The following ADCY8 variants were observed in gnomAD, a reference collection of about 807,000 sequenced individuals.
ADCY8 encodes adenylate cyclase 8.
In ADCY8, 51 loss-of-function variants were observed where a neutral mutation model predicts 119.7. The observed-to-expected ratio is 0.43, with a 90% CI of 0.34 to 0.54. The LOEUF (loss-of-function observed/expected upper bound fraction) is 0.54. Ranked by LOEUF, ADCY8 falls within the 20% of genes least tolerant of loss-of-function variation. The pLI is 0.03. For synonymous variants in ADCY8, 665 were observed against 651.0 expected, an observed-to-expected ratio of 1.02 and a Z score of -0.33; for missense variants, 1,383 against 1,598.8, an observed-to-expected ratio of 0.87 and a Z score of 2.30.
At chr8:131,035,246 C>T (rs1824114629) in intron 1 of ADCY8, among the ~76,000 whole-genome samples, 2 of 152,070 alleles carry the variant, frequency 1.3e-5, no homozygotes, top group African/African-American at 4.8e-5. Flanking sequence ...GATTGTAGCC[C>T]TAGTGCTACC....
intron 1 of ADCY8, among the ~76,000 whole-genome samples, chr8:131,010,795 C>T (rs561976034): frequency 6.6e-6 from 1 of 152,320 alleles, no homozygotes; most frequent in South Asian, 2.1e-4. Context: ...TACCTAAATA[C>T]AAGCCAACTG....
At chr8:130,858,712 A>T (rs1586492319) in intron 9 of ADCY8, among the ~76,000 whole-genome samples, 1 of 152,292 alleles carries the variant, frequency 6.6e-6, no homozygotes, top group African/African-American at 2.4e-5. Context: ...AAATATGTAG[A>T]CTTTCTCTGC....
intron 15 of ADCY8, among the ~76,000 whole-genome samples, chr8:130,785,876 T>C (rs1200559887): frequency 1.3e-5 from 2 of 152,232 alleles, no homozygotes; most frequent in Admixed American, 6.5e-5. Flanking sequence ...CCAGCTGCAC[T>C]GATCCCCTTT....
intron 1 of ADCY8, among the ~76,000 whole-genome samples, chr8:130,996,610 A>C (rs1468766265): frequency 6.6e-6 from 1 of 152,120 alleles, no homozygotes; most frequent in Non-Finnish European, 1.5e-5. Flanking sequence ...AATTTTCCCA[A>C]AAAAGATAAT....
At chr8:130,906,345 G>GTTGATT (rs1457812659) in intron 6 of ADCY8, among the ~76,000 whole-genome samples, 3 of 152,260 alleles carry the variant, frequency 2.0e-5, no homozygotes, top group Non-Finnish European at 4.4e-5. Flanking sequence ...AAGTACCATG[G>GTTGATT]TTGATTTTCT....
intron 14 of ADCY8, among the ~76,000 whole-genome samples, chr8:130,805,611 C>A (rs547831927): frequency 6.6e-6 from 1 of 152,172 alleles, no homozygotes; most frequent in Admixed American, 6.5e-5. Context: ...GAGGGAGTGG[C>A]TACAGGGGTC....
At chr8:130,992,394 TATATATATATATATATATATA>T (rs1301194328) in intron 1 of ADCY8, among the ~76,000 whole-genome samples, 1 of 117,828 alleles carries the variant, frequency 8.5e-6, no homozygotes, top group African/African-American at 4.0e-5. Flanking sequence ...TATATATATA[TATATATATATATATATATATA>T]TATATATATA....
At chr8:130,856,474 T>A (rs571604657) in intron 9 of ADCY8, among the ~76,000 whole-genome samples, 1 of 152,170 alleles carries the variant, frequency 6.6e-6, no homozygotes, top group South Asian at 2.1e-4. Flanking sequence ...CAAGAGTGAC[T>A]AGAGGAGCCC....
intron 1 of ADCY8, among the ~76,000 whole-genome samples, chr8:131,001,119 G>T (rs1371682251): frequency 6.6e-6 from 1 of 152,108 alleles, no homozygotes; most frequent in African/African-American, 2.4e-5. Flanking sequence ...AAATGGAAAA[G>T]CTAAGGCCCT....
At chr8:130,808,654 A>G (rs892532783) in intron 14 of ADCY8, among the ~76,000 whole-genome samples, 19 of 152,188 alleles carry the variant, frequency 1.2e-4, no homozygotes, top group African/African-American at 1.7e-4. Flanking sequence ...CGGCCTTTCT[A>G]TAATGAAGCT....
At chr8:130,898,604 C>G (rs1342190402) in intron 7 of ADCY8, among the ~76,000 whole-genome samples, 2 of 152,164 alleles carry the variant, frequency 1.3e-5, no homozygotes, top group East Asian at 3.9e-4. Flanking sequence ...CCTGGATTCT[C>G]AGGCTGTAAT....
chr8:130,808,002 A>C (rs1816029308), intron 14 of ADCY8, among the ~76,000 whole-genome samples: 1 of 125,274 alleles, frequency 8.0e-6, no homozygotes, highest in African/African-American at 3.3e-5. Context: ...AAAAAAAAAA[A>C]AAAAAAAAAA....
chr8:131,037,307 G>A (rs537754493), intron 1 of ADCY8, among the ~76,000 whole-genome samples: 1 of 152,168 alleles, frequency 6.6e-6, no homozygotes, highest in Admixed American at 6.5e-5. Flanking sequence ...ATGAGGGTGG[G>A]AAGACATTTG....
chr8:130,924,608 C>A (rs6470861), intron 5 of ADCY8, among the ~76,000 whole-genome samples: 89,739 of 151,994 alleles, frequency 0.59, 27,200 homozygotes, highest in African/African-American at 0.72. Context: ...CCTGAGACAC[C>A]GTACCATCCC....
At chr8:130,998,183 G>A (rs1383606985) in intron 1 of ADCY8, among the ~76,000 whole-genome samples, 3 of 152,266 alleles carry the variant, frequency 2.0e-5, no homozygotes, top group East Asian at 3.9e-4. Flanking sequence ...GTGGTGGTAT[G>A]AGAGTGTGAT....
intron 9 of ADCY8, among the ~76,000 whole-genome samples, chr8:130,866,468 C>A (rs1016362831): frequency 6.6e-6 from 1 of 152,088 alleles, no homozygotes; most frequent in Non-Finnish European, 1.5e-5. Context: ...CTTTTTCAGC[C>A]ATAGTGTCTA....
Position 131,040,536 on chromosome 8 carries a change from G to T in ADCY8, c.-203C>A. 2.1e-6 allele frequency: 1 copy of T among 479,776 alleles called. No homozygotes were observed. Among genetic ancestry groups the T allele is most frequent in the Non-Finnish European group, 3.4e-6 (1 of 298,358 alleles). 29.7% of individuals were successfully genotyped at this position (479,776 alleles called of 1,614,324 possible). On this transcript the variant is annotated 5_prime_UTR_variant, in exon 1 of 18. Transcript: ENST00000286355. ...GGGCAAAGGGCACCTGGAAGATCGC[G>T]GCGGACCTCGGCGTCCTTGCGTGCT...
chr8:131,026,751 G>A (rs1415111058), intron 1 of ADCY8, among the ~76,000 whole-genome samples: 1 of 152,228 alleles, frequency 6.6e-6, no homozygotes, highest in Non-Finnish European at 1.5e-5. Flanking sequence ...GCTTAGGGCA[G>A]AGAACTCATT....
intron 8 of ADCY8, among the ~76,000 whole-genome samples, chr8:130,873,736 C>T (rs112523849): frequency 6.6e-5 from 10 of 152,140 alleles, no homozygotes; most frequent in Non-Finnish European, 1.5e-5. Flanking sequence ...ACTAATATCT[C>T]TCAGGTATAA....
Sources: allele counts gnomAD v4.1 joint callset (sites outside exome capture counted in the v4.1 genomes callset), GRCh38; gene constraint gnomAD v4.1.1; transcripts MANE v1.5; gene names NCBI Gene and HGNC (gene_info 2026-07-23, HGNC 2026-07-21).